ACOT1: variants seen among roughly 807,000 people sequenced by gnomAD.
The protein encoded by ACOT1 is acyl-coenzyme A thioesterase 1.
In ACOT1, 8 loss-of-function variants were observed where a neutral mutation model predicts 15.7. The ratio of observed to expected loss-of-function variants is 0.51; its 90% CI spans 0.30 to 0.92. The LOEUF (loss-of-function observed/expected upper bound fraction) is 0.92. ACOT1 is among the 40% of genes least tolerant of loss of function. The pLI, the probability that ACOT1 is intolerant of heterozygous loss-of-function variation, is 0.06. For missense variants in ACOT1, 151 were observed against 539.4 expected (o/e 0.28, Z 7.13); for synonymous variants, 67 against 241.2 (o/e 0.28, Z 6.69).
the ACOT1 span, among the ~76,000 whole-genome samples, chr14:73,508,951 A>G: frequency 6.6e-6 from 1 of 151,620 alleles, no homozygotes; most frequent in East Asian, 1.9e-4. Flanking sequence ...GCTCAAGCTG[A>G]CTCTGATAAG....
chr14:73,524,309 AAATATATATAT>A, the ACOT1 span, among the ~76,000 whole-genome samples: 182 of 99,738 alleles, frequency 1.8e-3, 1 homozygote, highest in African/African-American at 6.8e-3. Flanking sequence ...AAAAAAAAAA[AAATATATATAT>A]ATATATATAT....
At position 73,537,220 on chromosome 14, in the gene ACOT1, G is replaced by A. The variant is rs183359498; in HGVS notation, c.-202G>A. ...ACATAAAGTGGAGGTTTCAACACAG[G>A]AGACTTTAAGCAAGTTCCAGTGTGT... On this transcript the variant is annotated 5_prime_UTR_variant, in exon 1 of 3. Transcript: ENST00000311148. The A allele has an allele frequency of 4.4e-6, 2 of 453,906 alleles. No individual in the cohort carries two copies. The highest frequency in any genetic ancestry group is 5.2e-5 in the Admixed American group (1 of 19,310). The allele number at this position is 453,906 out of a possible 1,614,324, so 28.1% of individuals were successfully genotyped here.
At chr14:73,508,059 G>T in the ACOT1 span, 1 of 1,389,024 alleles carries the variant, frequency 7.2e-7, no homozygotes, top group African/African-American at 1.4e-5. Flanking sequence ...CTGCATTTCA[G>T]ATTGCTTACA....
the ACOT1 span, chr14:73,491,720 C>A: frequency 1.9e-6 from 3 of 1,551,542 alleles, no homozygotes; most frequent in African/African-American, 4.1e-5. Context: ...GCGGCAGGAC[C>A]ACACCTACTA....
chr14:73,541,556 G>A lies in ACOT1; in HGVS notation c.521G>A (p.Arg174Gln), dbSNP rs768462704. 9 of 1,244,310 alleles carry A rather than the reference G, an allele frequency of 7.2e-6. 2 individuals are homozygous for A. Among genetic ancestry groups the A allele is most frequent in the Admixed American group, 4.8e-5 (2 of 41,466 alleles). The allele number at this position is 1,244,310 out of a possible 1,614,324, so 77.1% of individuals were successfully genotyped here. A position where few individuals can be genotyped will look rare whatever the true frequency, so the allele number is the denominator to read the frequency against. The change falls in exon 2 of 3, where the codon CGG becomes CAG. Residue 174 changes from arginine to glutamine, a missense_variant. Arg to Gln is a conservative substitution (Grantham distance 43). Transcript: ENST00000311148. ...ACTGGAGGTGGCCTGCTGGAGTATC[G>A]GGCTAGTCTGCTGGCTGGGAAGGGT... ...FGTGGGLLEYRASLLAGKGFA... is the reference protein window; with the variant it reads ...FGTGGGLLEYQASLLAGKGFA...
the ACOT1 span, among the ~76,000 whole-genome samples, chr14:73,494,270 G>C: frequency 6.6e-6 from 1 of 152,222 alleles, no homozygotes; most frequent in Non-Finnish European, 1.5e-5. Context: ...TGGGGTGGTA[G>C]CTGGTAGGCA....
chr14:73,508,751 CA>C, the ACOT1 span, among the ~76,000 whole-genome samples: 2,827 of 57,798 alleles, frequency 0.049, 49 homozygotes, highest in African/African-American at 0.13. Context: ...AACTCTGTCT[CA>C]AAAAAAAAAA....
At chr14:73,508,826 C>G in the ACOT1 span, among the ~76,000 whole-genome samples, 1 of 150,650 alleles carries the variant, frequency 6.6e-6, no homozygotes, top group African/African-American at 2.4e-5. Context: ...TGTTAAAGTA[C>G]CTAGAAAGAG....
the ACOT1 span, among the ~76,000 whole-genome samples, chr14:73,515,068 C>CAA: frequency 4.0e-4 from 44 of 110,648 alleles, no homozygotes; most frequent in African/African-American, 1.2e-3. Flanking sequence ...ACTCCGTTCT[C>CAA]AAAAAAAAAA....
At chr14:73,504,020 A>G in the ACOT1 span, among the ~76,000 whole-genome samples, 1 of 151,770 alleles carries the variant, frequency 6.6e-6, no homozygotes, top group Non-Finnish European at 1.5e-5. Context: ...TGTTAAAATG[A>G]TATTGTTAAG....
chr14:73,526,443 C>T, the ACOT1 span, among the ~76,000 whole-genome samples: 311 of 152,290 alleles, frequency 2.0e-3, 1 homozygote, highest in Admixed American at 5.6e-3. Flanking sequence ...TGTGTGACCG[C>T]GTGTGACACC....
chr14:73,492,985 G>A, the ACOT1 span: 4 of 1,586,160 alleles, frequency 2.5e-6, no homozygotes, highest in African/African-American at 2.8e-5. The surrounding 1 kb of genome is among the most constrained non-coding windows in gnomAD (Gnocchi z 4.9). Context: ...GTGATTCTCC[G>A]CTGCCACTGC....
chr14:73,528,351 C>T, the ACOT1 span, among the ~76,000 whole-genome samples: 1 of 134,088 alleles, frequency 7.5e-6, no homozygotes, highest in Non-Finnish European at 1.5e-5. Flanking sequence ...AAGATCGCGC[C>T]ACTGGACTCC....
the ACOT1 span, chr14:73,506,716 A>G: frequency 1.3e-5 from 7 of 534,224 alleles, no homozygotes; most frequent in Admixed American, 3.3e-5. Context: ...ATCACAGCCA[A>G]CTGACTCTGG....
chr14:73,503,000 T>A, the ACOT1 span: 1 of 1,612,644 alleles, frequency 6.2e-7, no homozygotes, highest in Non-Finnish European at 8.5e-7. Context: ...CTGGATCAAC[T>A]TATGTTTCAT....
the ACOT1 span, chr14:73,492,915 T>A: frequency 1.2e-6 from 2 of 1,613,474 alleles, no homozygotes; most frequent in East Asian, 4.5e-5. This position sits in a 1 kb window ranked among gnomAD's most constrained non-coding sequence, Gnocchi z 4.9. Flanking sequence ...GGGCTGCTGC[T>A]CACTAAGATG....
chr14:73,526,825 C>T, the ACOT1 span, among the ~76,000 whole-genome samples: 2 of 152,140 alleles, frequency 1.3e-5, no homozygotes, highest in African/African-American at 4.8e-5. Context: ...TGGGCAGGAT[C>T]CAATACTGTA....
At chr14:73,519,163 T>C in the ACOT1 span, 1 of 1,611,356 alleles carries the variant, frequency 6.2e-7, no homozygotes, top group Non-Finnish European at 8.5e-7. Context: ...CTGGACTTCA[T>C]CTGTGAACAG....
chr14:73,496,490 A>G, the ACOT1 span: 1 of 671,892 alleles, frequency 1.5e-6, no homozygotes, highest in East Asian at 2.6e-5. Flanking sequence ...GGTTTTAGAA[A>G]GTACTTCTAT....
Sources: allele counts gnomAD v4.1 joint callset (sites outside exome capture counted in the v4.1 genomes callset), GRCh38; gene constraint gnomAD v4.1.1; non-coding constraint Gnocchi (gnomAD v3.1); transcripts MANE v1.5; gene names NCBI Gene and HGNC (gene_info 2026-07-23, HGNC 2026-07-21).